The following PTCRA variants were observed in gnomAD, a reference collection of about 807,000 sequenced individuals.
PTCRA encodes the protein pre T-cell antigen receptor alpha.
A neutral mutation model predicts 13.4 loss-of-function variants in PTCRA; 9 were observed. That is an observed-to-expected ratio of 0.67 (90% confidence interval 0.41 to 1.18). PTCRA has a LOEUF of 1.18. Ranked by LOEUF, PTCRA falls within the 50% of genes most tolerant of loss-of-function variation. PTCRA has a pLI of 0.01. For missense variants in PTCRA, 353 were observed against 359.8 expected (o/e 0.98, Z 0.15); for synonymous variants, 153 against 161.9 (o/e 0.94, Z 0.42).
chr6:42,922,750 AAAAG>A (rs970583822), intron 1 of PTCRA, among the ~76,000 whole-genome samples: 9 of 151,174 alleles, frequency 6.0e-5, no homozygotes, highest in African/African-American at 1.7e-4. Flanking sequence ...AAAAAAAAAA[AAAAG>A]AAAGAAAGAA....
In PTCRA at chr6:42,923,278, C is replaced by A. The variant is rs150508492; in HGVS notation, c.310C>A (p.Pro104Thr). ...LPSEELASWE[P>T]LVCHTGPGAE... ...TTCTGAGGAGCTGGCATCCTGGGAG[C>A]CTTTGGTCTGCCACACTGGGCCTGG... Residue 104 changes from proline (P) to threonine (T), a missense_variant, in exon 2 of 4, where the codon CCT (proline) becomes ACT (threonine). Physicochemically the swap from Pro to Thr is conservative, Grantham distance 38 (BLOSUM62 -1). Transcript: ENST00000304672. 3.7e-6 allele frequency: 6 copies of A among 1,614,208 alleles called. No homozygotes were observed. The highest frequency in any genetic ancestry group is 4.2e-6 in the Non-Finnish European group (5 of 1,180,020).
intron 1 of PTCRA, among the ~76,000 whole-genome samples, chr6:42,920,890 GT>G (rs1249895221): frequency 6.6e-6 from 1 of 151,424 alleles, no homozygotes; most frequent in African/African-American, 2.4e-5. Flanking sequence ...CTTTGCCCGG[GT>G]TCAAGCGATT....
At chr6:42,919,399 C>T (rs1179227646) in intron 1 of PTCRA, among the ~76,000 whole-genome samples, 1 of 152,066 alleles carries the variant, frequency 6.6e-6, no homozygotes, top group Non-Finnish European at 1.5e-5. Context: ...ACATTTCTTT[C>T]GTTTGGCTAT....
In PTCRA at chr6:42,923,146, C is replaced by T; in HGVS notation, c.178C>T (p.Pro60Ser). 6.2e-7 allele frequency: 1 copy of T among 1,614,196 alleles called. No homozygotes were observed. The highest frequency in any genetic ancestry group is 1.1e-5 in the South Asian group (1 of 91,090). The change falls in exon 2 of 4, where the codon CCC (proline) becomes TCC (serine). Residue 60 changes from proline (P) to serine (S), a missense_variant. Transcript: ENST00000304672. The stretch of plus-strand genomic sequence containing the variant: ...TGTTGCACCCCCTGGCCTTGACAGC[C>T]CCATCTGGTTCTCAGCCGGCAATGG... ...LDVAPPGLDS[P>S]IWFSAGNGSA...
chr6:42,924,521 C>A (rs1767332536), intron 3 of PTCRA: 2 of 565,042 alleles, frequency 3.5e-6, no homozygotes, highest in Admixed American at 6.7e-5. Context: ...CAGGTGACAG[C>A]TAACAGAGGG....
At position 42,923,182 on chromosome 6, in the gene PTCRA, G is replaced by A. The variant is rs769024317; in HGVS notation, c.214G>A (p.Asp72Asn). The A allele has an allele frequency of 6.2e-7, 1 of 1,614,232 alleles. No homozygotes were observed. Among genetic ancestry groups the A allele is most frequent in the South Asian group, 1.1e-5 (1 of 91,090 alleles). The change falls in exon 2 of 4, where the codon GAT (aspartate) becomes AAT (asparagine). Residue 72 changes from aspartate to asparagine, a missense_variant. Physicochemically the swap from Asp to Asn is conservative, Grantham distance 23. Transcript: ENST00000304672. ...CTCAGCCGGCAATGGCAGTGCACTG[G>A]ATGCCTTCACCTATGGCCCTTCCCC... Reference protein sequence around the residue: ...WFSAGNGSALDAFTYGPSPAT... With the variant: ...WFSAGNGSALNAFTYGPSPAT...
Position 42,925,366 on chromosome 6 carries a change from G to C in PTCRA, c.530G>C (p.Gly177Ala). ...LTCSCLCDPA[G>A]PLPSPATTTR... ...TGCAGCTGCCTGTGCGACCCCGCGG[G>C]CCCGCTGCCTTCCCCCGCAACCACC... Residue 177 changes from glycine (G) to alanine (A), a missense_variant, in exon 4 of 4, where the codon GGC (glycine) becomes GCC (alanine). Gly to Ala is a moderately conservative substitution (Grantham distance 60). Transcript: ENST00000304672. The surrounding 1 kb of genome is among the most constrained non-coding windows in gnomAD (Gnocchi z 4.4). The C allele has an allele frequency of 6.4e-7, 1 of 1,557,150 alleles. No homozygotes were observed. The highest frequency in any genetic ancestry group is 8.7e-7 in the Non-Finnish European group (1 of 1,151,500).
Position 42,916,126 on chromosome 6 carries a change from A to G in PTCRA, c.57A>G (p.Thr19=). 6.2e-7 allele frequency: 1 copy of G among 1,613,830 alleles called. No individual in the cohort carries two copies. The highest frequency in any genetic ancestry group is 8.5e-7 in the Non-Finnish European group (1 of 1,179,792). ...CCCTTGGGTGTCCAGCCCTACCCACAGGTGAGCCCCCTCTTTGCCTTCCTC... is the reference window on the plus strand; with the variant it reads ...CCCTTGGGTGTCCAGCCCTACCCACGGGTGAGCCCCCTCTTTGCCTTCCTC... The part of the protein sequence containing the change: ...LLALGCPALP[T]GVGGTPFPSL... Residue 19 remains threonine (T), a splice_region_variant and synonymous_variant, in exon 1 of 4, where the codon ACA becomes ACG. Coordinates refer to ENST00000304672, the MANE Select transcript of PTCRA (RefSeq NM_138296.3).
At chr6:42,923,787 G>GCAA (rs1036275304) in intron 2 of PTCRA, among the ~76,000 whole-genome samples, 14 of 152,190 alleles carry the variant, frequency 9.2e-5, no homozygotes, top group African/African-American at 2.9e-4. Flanking sequence ...GGGAGGTTAA[G>GCAA]CAACATGTCT....
rs768855641 is a variant in PTCRA, at chr6:42,916,136, CCT to C, written c.58+12_58+13del. ...TCCAGCCCTACCCACAGGTGAGCCC[CCT>C]CTTTGCCTTCCTCTCTGTCCCTCCT... is the stretch of plus-strand genomic sequence containing the variant. On this transcript the variant is annotated intron_variant, in intron 1 of 3. Transcript: ENST00000304672. The C allele has an allele frequency of 6.2e-7, 1 of 1,613,576 alleles. No individual in the cohort carries two copies. The highest frequency in any genetic ancestry group is 8.5e-7 in the Non-Finnish European group (1 of 1,179,542).
At position 42,925,227 on chromosome 6, in the gene PTCRA, CTCCTGCGGGCTCCTGAGCGGT is replaced by C. The variant is rs1380705477; in HGVS notation, c.425-29_425-9del. 6.4e-7 allele frequency: 1 copy of C among 1,560,106 alleles called. No homozygotes were observed. Among genetic ancestry groups the C allele is most frequent in the Non-Finnish European group, 8.6e-7 (1 of 1,159,942 alleles). On this transcript the variant is annotated splice_polypyrimidine_tract_variant and intron_variant, in intron 3 of 3. Coordinates refer to ENST00000304672, the MANE Select transcript of PTCRA (RefSeq NM_138296.3). The surrounding 1 kb of genome is among the most constrained non-coding windows in gnomAD (Gnocchi z 4.4). ...CTCTCCTGGGGTAGGGGGCTGCGGGCTCCTGCGGGCTCCTGAGCGGTTCCTCCTCGCAGGGACACCGGGTGG... is the reference window on the plus strand; with the variant it reads ...CTCTCCTGGGGTAGGGGGCTGCGGGCTCCTCCTCGCAGGGACACCGGGTGG...
chr6:42,917,907 CTAAA>C (rs1402530421), intron 1 of PTCRA, among the ~76,000 whole-genome samples: 4 of 151,714 alleles, frequency 2.6e-5, no homozygotes, highest in Admixed American at 2.0e-4. Context: ...TTCCTTCAAC[CTAAA>C]TAAATAAATA....
chr6:42,923,065 A>G lies in PTCRA; in HGVS notation c.97A>G (p.Ile33Val), dbSNP rs199894504. The G allele has an allele frequency of 6.8e-6, 11 of 1,614,220 alleles. No homozygotes were observed. In the East Asian group the frequency reaches 1.3e-4, roughly 20 times the overall value. Reference sequence around the variant, plus strand: ...ACCCTTTCCTTCTCTGGCCCCACCAATCATGCTGCTGGTGGATGGAAAGCA... The same window carrying G: ...ACCCTTTCCTTCTCTGGCCCCACCAGTCATGCTGCTGGTGGATGGAAAGCA... ...GTPFPSLAPP[I>V]MLLVDGKQQM... Residue 33 changes from isoleucine (I) to valine (V), a missense_variant, in exon 2 of 4, where the codon ATC (isoleucine) becomes GTC (valine). Coordinates refer to ENST00000304672, the MANE Select transcript of PTCRA (RefSeq NM_138296.3).
chr6:42,923,196 T>C lies in PTCRA; in HGVS notation c.228T>C (p.Tyr76=), dbSNP rs1562529248. 1.2e-6 allele frequency: 2 copies of C among 1,614,240 alleles called. No homozygotes were observed. Among genetic ancestry groups the C allele is most frequent in the Non-Finnish European group, 8.5e-7 (1 of 1,180,038 alleles). The change falls in exon 2 of 4, where the codon TAT becomes TAC. Residue 76 remains tyrosine (Y), a synonymous_variant. Coordinates refer to ENST00000304672, the MANE Select transcript of PTCRA (RefSeq NM_138296.3). ...GNGSALDAFT[Y]GPSPATDGTW... is the part of the protein sequence containing the mutation. Reference sequence around the variant, plus strand: ...GCAGTGCACTGGATGCCTTCACCTATGGCCCTTCCCCAGCAACGGATGGCA... The same window carrying C: ...GCAGTGCACTGGATGCCTTCACCTACGGCCCTTCCCCAGCAACGGATGGCA...
chr6:42,922,912 G>A, intron 1 of PTCRA, 115 bp from the exon 2 acceptor site: 1 of 958,438 alleles, frequency 1.0e-6, no homozygotes, highest in African/African-American at 1.6e-5. Context: ...GTAGATGGAT[G>A]GTGGAAGGAT....
rs534324250 is a variant in PTCRA at position 42,924,331 on chromosome 6, G to C, written c.424+58G>C. 9.6e-4 allele frequency: 1,402 copies of C among 1,463,264 alleles called. 4 individuals are homozygous for C. The highest frequency in any genetic ancestry group is 1.2e-3 in the Non-Finnish European group (1,211 of 1,047,406). The allele number at this position is 1,463,264 out of a possible 1,614,324, so 90.6% of individuals were successfully genotyped here. ...AGGCTGGGACCAGGACCTTGGGCCC[G>C]GGGGGTGGGGCCTTCAGCTCTGGCC... On this transcript the variant is annotated intron_variant, in intron 3 of 3. Transcript: ENST00000304672.
chr6:42,924,253 G>C lies in PTCRA; in HGVS notation c.404G>C (p.Cys135Ser). The change falls in exon 3 of 4, where the codon TGC becomes TCC. Residue 135 changes from cysteine to serine, a missense_variant. By Grantham distance (112) the Cys-to-Ser change is moderately radical (BLOSUM62 -1). Coordinates refer to ENST00000304672, the MANE Select transcript of PTCRA (RefSeq NM_138296.3). ...GGAGAGGCTTCTACAGCCAGGACCT[G>C]CCCCCAGGAGCCTCTCAGGGGTGAG... is the stretch of plus-strand genomic sequence containing the variant. ...LSGEASTART[C>S]PQEPLRGTPG... 1 of 1,611,832 alleles carries C rather than the reference G, an allele frequency of 6.2e-7. No individual in the cohort carries two copies. The highest frequency in any genetic ancestry group is 8.5e-7 in the Non-Finnish European group (1 of 1,179,248).
intron 2 of PTCRA, among the ~76,000 whole-genome samples, chr6:42,923,962 G>A (rs553222200): frequency 6.6e-6 from 1 of 152,188 alleles, no homozygotes; most frequent in Non-Finnish European, 1.5e-5. Flanking sequence ...AGAATGCTGC[G>A]AAGACAGTCA....
chr6:42,920,642 G>A (rs1767109305), intron 1 of PTCRA, among the ~76,000 whole-genome samples: 2 of 151,728 alleles, frequency 1.3e-5, no homozygotes, highest in South Asian at 4.2e-4. Context: ...AGCCAGGATG[G>A]TCTCTATCTC....
Sources: gnomAD v4.1 joint callset for allele counts (sites outside exome capture counted in the v4.1 genomes callset) on GRCh38, gnomAD v4.1.1 for gene constraint, Gnocchi (gnomAD v3.1) non-coding constraint, MANE v1.5 for transcripts, NCBI Gene and HGNC (gene_info 2026-07-23, HGNC 2026-07-21) for gene names.